The following MEIS2 variants were observed in gnomAD, a reference collection of about 807,000 sequenced individuals.
MEIS2 encodes Meis homeobox 2, also known as homeobox protein Meis2.
Under a neutral mutation model 58.6 loss-of-function variants are expected in MEIS2, and 9 were observed. That is an observed-to-expected ratio of 0.15 (90% CI 0.09 to 0.27). MEIS2 has a LOEUF of 0.27. Among genes scored for constraint, MEIS2 ranks in the 10% least tolerant of loss-of-function variants. MEIS2 has a pLI of 1.00. For missense variants in MEIS2, 427 were observed against 635.0 expected, an observed-to-expected ratio of 0.67 and a Z score of 3.52; for synonymous variants, 221 against 228.4, an observed-to-expected ratio of 0.97 and a Z score of 0.29.
chr15:36,946,892 A>G (rs950477517), intron 9 of MEIS2, among the ~76,000 whole-genome samples: 9 of 151,964 alleles, frequency 5.9e-5, no homozygotes, highest in African/African-American at 2.2e-4. Flanking sequence ...ATGCTATATT[A>G]CCTTTAGAGC....
chr15:36,898,943 A>G (rs16964262), intron 9 of MEIS2, among the ~76,000 whole-genome samples: 9,624 of 152,244 alleles, frequency 0.063, 1,028 homozygotes, highest in African/African-American at 0.22. Context: ...TTACCATGGC[A>G]TGGACTGGAT....
chr15:36,978,443 G>A (rs991540915), intron 8 of MEIS2, among the ~76,000 whole-genome samples: 1 of 152,138 alleles, frequency 6.6e-6, no homozygotes, highest in African/African-American at 2.4e-5. Context: ...GTACCACACT[G>A]GTATTGTGCT....
At chr15:37,014,763 C>G (rs1028407616) in intron 8 of MEIS2, among the ~76,000 whole-genome samples, 1 of 152,012 alleles carries the variant, frequency 6.6e-6, no homozygotes, top group East Asian at 1.9e-4. Flanking sequence ...CAAAAGTTCT[C>G]TAAATGCCAA....
rs2055804933 is a variant in MEIS2 at position 36,890,581 on chromosome 15, C to CGAAA, written c.*1591_*1592insTTTC. The CGAAA allele has an allele frequency of 6.6e-6, 1 of 152,090 alleles. No individual in the cohort carries two copies. The highest frequency in any genetic ancestry group is 3.2e-3 in the Middle Eastern group (1 of 316). The allele number at this position is 152,090 out of a possible 1,614,324, so 9.4% of individuals were successfully genotyped here. A position where few individuals can be genotyped will look rare whatever the true frequency, so the allele number is the denominator to read the frequency against. ...CTATGAACACCCATATGTAAATTTT[C>CGAAA]ATTTACATATCCAACAATATTGTAG... On this transcript the variant is annotated 3_prime_UTR_variant, in exon 12 of 12. Transcript: ENST00000561208.
chr15:36,998,369 C>T (rs2060604492), intron 8 of MEIS2, among the ~76,000 whole-genome samples: 1 of 150,628 alleles, frequency 6.6e-6, no homozygotes, highest in Non-Finnish European at 1.5e-5. Flanking sequence ...AAGAGGTGCA[C>T]ACCACCACAC....
intron 9 of MEIS2, among the ~76,000 whole-genome samples, chr15:36,925,424 G>A (rs147900245): frequency 4.5e-4 from 68 of 152,342 alleles, no homozygotes; most frequent in African/African-American, 1.5e-3. Context: ...TTTCCTCAAA[G>A]TGATGCACGT....
At position 37,098,379 on chromosome 15, in the gene MEIS2, G is replaced by GGAGAGAGAGAGAGAGA. The variant is rs534692479; in HGVS notation, c.13-196_13-181dup. ...GAGGAGGAGGAAAAGGAGGAGAGGG[G>GGAGAGAGAGAGAGAGA]GAGAGAGAGAGAGAGAGAGAGAGAG... On this transcript the variant is annotated intron_variant, in intron 1 of 11. Transcript: ENST00000561208. 1.2e-3 allele frequency: 358 copies of GGAGAGAGAGAGAGAGA among 307,900 alleles called. 6 individuals are homozygous for GGAGAGAGAGAGAGAGA. Among genetic ancestry groups the GGAGAGAGAGAGAGAGA allele is most frequent in the Admixed American group, 2.9e-3 (18 of 6,168 alleles). 19.1% of individuals were successfully genotyped at this position (307,900 alleles called of 1,614,324 possible). A position where few individuals can be genotyped will look rare whatever the true frequency, so the allele number is the denominator to read the frequency against.
In MEIS2 at chr15:36,932,627, G is replaced by A. The variant is rs1356044692; in HGVS notation, c.977+17697C>T. 5.3e-5 allele frequency among the ~76,000 whole-genome samples: 8 copies of A among 152,168 alleles called. No homozygotes were observed. The East Asian group carries it at 1.4e-3, about 26-fold the overall frequency. Reference sequence around the variant, plus strand: ...TAATTGTTAGAGGGTCCATTGAAGGGCCCTAAGATTGTGGGCAAAACTGTA... The same window carrying A: ...TAATTGTTAGAGGGTCCATTGAAGGACCCTAAGATTGTGGGCAAAACTGTA... On this transcript the variant is annotated intron_variant, in intron 9 of 11. Transcript: ENST00000561208.
chr15:37,019,527 T>A (rs1567188888), intron 8 of MEIS2, among the ~76,000 whole-genome samples: 1 of 152,212 alleles, frequency 6.6e-6, no homozygotes, highest in Admixed American at 6.5e-5. Flanking sequence ...ACGACACCAC[T>A]TCTTCAATTA....
At chr15:36,916,107 TC>T (rs1166003584) in intron 9 of MEIS2, among the ~76,000 whole-genome samples, 2 of 152,034 alleles carry the variant, frequency 1.3e-5, no homozygotes, top group Non-Finnish European at 2.9e-5. Context: ...TTCCTTTTCT[TC>T]TTCTTCTTTT....
chr15:36,980,319 G>T (rs1043681659), intron 8 of MEIS2, among the ~76,000 whole-genome samples: 1 of 151,960 alleles, frequency 6.6e-6, no homozygotes, highest in South Asian at 2.1e-4. Context: ...ATATTAGTTC[G>T]TTTTCACGCT....
chr15:36,981,002 G>C (rs994916771), intron 8 of MEIS2, among the ~76,000 whole-genome samples: 4 of 152,072 alleles, frequency 2.6e-5, no homozygotes, highest in African/African-American at 9.7e-5. Context: ...AAAACTTAGA[G>C]TACTTTTTGT....
At position 36,906,710 on chromosome 15, in the gene MEIS2, C is replaced by T. The variant is rs144838945; in HGVS notation, c.978-10024G>A. On this transcript the variant is annotated intron_variant, in intron 9 of 11. Transcript: ENST00000561208. ...AGAGCAAAAGGTAGGGACTTAACTT[C>T]AAAACGTCTAATTTCTTCCTATTTT... Among the ~76,000 whole-genome samples, 1,263 of 149,644 alleles carry T rather than the reference C, an allele frequency of 8.4e-3. 8 individuals are homozygous for T. The highest frequency in any genetic ancestry group is 0.014 in the Non-Finnish European group (979 of 67,550).
intron 8 of MEIS2, among the ~76,000 whole-genome samples, chr15:37,001,416 T>C (rs1490912857): frequency 2.0e-5 from 3 of 152,204 alleles, no homozygotes; most frequent in Non-Finnish European, 2.9e-5. Context: ...CATGCTCATA[T>C]ACTGGACTCT....
chr15:37,094,248 A>G (rs1893915202), intron 5 of MEIS2, among the ~76,000 whole-genome samples: 1 of 152,190 alleles, frequency 6.6e-6, no homozygotes, highest in African/African-American at 2.4e-5. Context: ...AAGCAGGCTG[A>G]GTGTCCAGTA....
At position 37,093,792 on chromosome 15, in the gene MEIS2, T is replaced by C. The variant is rs568715701; in HGVS notation, c.490-62A>G. On this transcript the variant is annotated intron_variant, in intron 5 of 11. Transcript: ENST00000561208. Reference sequence around the variant, plus strand: ...TTGTTGTTGTTGTTGTTTTGTTTCATTTTTAGAAAGGAAAAATACCAGGTT... The same window carrying C: ...TTGTTGTTGTTGTTGTTTTGTTTCACTTTTAGAAAGGAAAAATACCAGGTT... The C allele has an allele frequency of 3.8e-6, 6 of 1,599,274 alleles. No homozygotes were observed. In the East Asian group the frequency reaches 1.1e-4, roughly 30 times the overall value.
At chr15:36,923,052 T>C in intron 9 of MEIS2, among the ~76,000 whole-genome samples, 1 of 152,230 alleles carries the variant, frequency 6.6e-6, no homozygotes, top group East Asian at 1.9e-4. Flanking sequence ...AGACAATATT[T>C]ATTCTTATGA....
At chr15:37,010,180 T>C (rs377125711) in intron 8 of MEIS2, among the ~76,000 whole-genome samples, 85 of 151,952 alleles carry the variant, frequency 5.6e-4, no homozygotes, top group Admixed American at 1.7e-3. Flanking sequence ...CTCTGCATCC[T>C]GGGTTCACGC....
intron 7 of MEIS2, among the ~76,000 whole-genome samples, chr15:37,061,319 G>A (rs951702308): frequency 2.0e-5 from 3 of 152,186 alleles, no homozygotes; most frequent in Non-Finnish European, 4.4e-5. Flanking sequence ...CAATATACCA[G>A]GTGCCCTAAG....
Sources: gnomAD v4.1 joint callset for allele counts (sites outside exome capture counted in the v4.1 genomes callset) on GRCh38, gnomAD v4.1.1 for gene constraint, MANE v1.5 for transcripts, NCBI Gene and HGNC (gene_info 2026-07-23, HGNC 2026-07-21) for gene names.